Variants in RANBP2 observed in about 807,000 individuals in gnomAD.
RANBP2 encodes RAN binding protein 2.
In RANBP2, 57 loss-of-function variants were observed where a neutral mutation model predicts 303.6. The observed-to-expected ratio is 0.19, with a 90% CI of 0.15 to 0.23. The LOEUF (loss-of-function observed/expected upper bound fraction) is 0.23. Among genes scored for constraint, RANBP2 ranks in the 10% least tolerant of loss-of-function variants. The pLI is 1.00. For missense variants in RANBP2, 3,138 were observed against 3,780.8 expected (o/e 0.83, Z 4.46); for synonymous variants, 1,167 against 1,301.5 (o/e 0.90, Z 2.23).
At chr2:109,620,586 C>T in the RANBP2 span, among the ~76,000 whole-genome samples, 1 of 152,138 alleles carries the variant, frequency 6.6e-6, no homozygotes, top group Non-Finnish European at 1.5e-5. Context: ...CCTGTAATCC[C>T]AGCTACTTGG....
the RANBP2 span, among the ~76,000 whole-genome samples, chr2:109,746,619 AT>A: frequency 1.0e-3 from 20 of 19,126 alleles, no homozygotes; most frequent in African/African-American, 5.3e-3. Flanking sequence ...AATATTCTTC[AT>A]TTTTTTTTTT....
chr2:108,766,247 C>A lies in RANBP2; in HGVS notation c.5708C>A (p.Ser1903Ter). The change falls in exon 20 of 29, where the codon TCG (serine) becomes TAG (stop). Residue 1903 changes from serine to a stop codon, truncating the protein, a stop_gained. Transcript: ENST00000283195. LOFTEE classifies it high-confidence loss of function. Reference sequence around the variant, plus strand: ...GCTGATGGATTTAAATTTGGCATTTCGGAACCAGGAAATCAAGAAAAGAAA... The same window carrying A: ...GCTGATGGATTTAAATTTGGCATTTAGGAACCAGGAAATCAAGAAAAGAAA... ...VSADGFKFGI[S>*]EPGNQEKKSE... is the part of the protein sequence containing the mutation. 6.2e-7 allele frequency: 1 copy of A among 1,612,062 alleles called. No individual in the cohort carries two copies. The highest frequency in any genetic ancestry group is 8.5e-7 in the Non-Finnish European group (1 of 1,179,986).
the RANBP2 span, among the ~76,000 whole-genome samples, chr2:109,039,730 A>C: frequency 6.6e-6 from 1 of 151,908 alleles, no homozygotes; most frequent in Non-Finnish European, 1.5e-5. Flanking sequence ...TTTTCTTTTA[A>C]AATTTATCTT....
At chr2:108,849,183 A>G in the RANBP2 span, among the ~76,000 whole-genome samples, 1 of 152,114 alleles carries the variant, frequency 6.6e-6, no homozygotes, top group Non-Finnish European at 1.5e-5. Flanking sequence ...TTACACAGAG[A>G]AAAAAAATCT....
intron 18 of RANBP2, among the ~76,000 whole-genome samples, chr2:108,758,963 A>C (rs1342292976): frequency 6.7e-6 from 1 of 148,740 alleles, no homozygotes; most frequent in African/African-American, 2.5e-5. Context: ...TATTATGGTT[A>C]TATAAAGAAA....
the RANBP2 span, among the ~76,000 whole-genome samples, chr2:109,605,128 A>C: frequency 6.6e-6 from 1 of 152,158 alleles, no homozygotes; most frequent in Non-Finnish European, 1.5e-5. Flanking sequence ...TGATTCCTTG[A>C]GACTTGAATT....
the RANBP2 span, among the ~76,000 whole-genome samples, chr2:109,521,205 G>A: frequency 2.0e-4 from 29 of 147,450 alleles, no homozygotes; most frequent in Admixed American, 3.5e-4. Flanking sequence ...GTGACAGAGC[G>A]AGACTCCGTC....
the RANBP2 span, among the ~76,000 whole-genome samples, chr2:109,196,075 C>T: frequency 3.7e-4 from 56 of 152,334 alleles, no homozygotes; most frequent in African/African-American, 1.2e-3. Context: ...CCAGAGGGAA[C>T]GCAGACCACC....
At chr2:108,788,117 G>T (rs747411856), downstream of RANBP2, 15 of 1,599,336 alleles carry the variant, frequency 9.4e-6, no homozygotes, top group African/African-American at 1.4e-5. Flanking sequence ...ATATTTGGGG[G>T]TTTCAAAAAT....
chr2:109,614,257 G>A, the RANBP2 span: 6 of 729,488 alleles, frequency 8.2e-6, no homozygotes, highest in Non-Finnish European at 1.1e-5. Flanking sequence ...GAGACAGCGG[G>A]GAGCGGAAGT....
At chr2:109,338,714 C>A in the RANBP2 span, among the ~76,000 whole-genome samples, 1 of 152,170 alleles carries the variant, frequency 6.6e-6, no homozygotes, top group Non-Finnish European at 1.5e-5. Context: ...TGCGCCACCA[C>A]GCCCGACTAA....
the RANBP2 span, among the ~76,000 whole-genome samples, chr2:109,021,446 C>A: frequency 6.7e-6 from 1 of 149,792 alleles, no homozygotes; most frequent in Non-Finnish European, 1.5e-5. Flanking sequence ...TGGCGTGAAC[C>A]CGGGAGGCGG....
the RANBP2 span, among the ~76,000 whole-genome samples, chr2:108,876,827 A>G: frequency 6.6e-6 from 1 of 152,198 alleles, no homozygotes; most frequent in African/African-American, 2.4e-5. Context: ...ATGTATATAC[A>G]AGGCAAGACA....
At chr2:109,780,031 CT>C in the RANBP2 span, among the ~76,000 whole-genome samples, 720 of 57,370 alleles carry the variant, frequency 0.013, 5 homozygotes, top group Admixed American at 0.021. Context: ...GTCAATTTGA[CT>C]TTTTTTTTTT....
chr2:109,328,753 A>G, the RANBP2 span, among the ~76,000 whole-genome samples: 36 of 152,060 alleles, frequency 2.4e-4, no homozygotes, highest in African/African-American at 8.2e-4. Flanking sequence ...TCTCCCCCAC[A>G]TTTGTGTGTG....
At chr2:109,222,386 G>T in the RANBP2 span, among the ~76,000 whole-genome samples, 1 of 152,220 alleles carries the variant, frequency 6.6e-6, no homozygotes, top group African/African-American at 2.4e-5. Flanking sequence ...TGAGGTGATG[G>T]ATATGCTAGT....
At chr2:109,704,332 G>C in the RANBP2 span, among the ~76,000 whole-genome samples, 3 of 151,964 alleles carry the variant, frequency 2.0e-5, no homozygotes, top group Non-Finnish European at 4.4e-5. Flanking sequence ...AGGATCACTT[G>C]AGCCAAGGAG....
the RANBP2 span, chr2:109,614,867 G>A: frequency 7.1e-7 from 1 of 1,401,388 alleles, no homozygotes; most frequent in Non-Finnish European, 9.2e-7. Flanking sequence ...CCCCGGAGTC[G>A]CTCCCTGGAC....
At chr2:108,986,344 C>A in the RANBP2 span, among the ~76,000 whole-genome samples, 20 of 152,254 alleles carry the variant, frequency 1.3e-4, no homozygotes, top group Admixed American at 1.3e-3. Context: ...ATGAGTGTGT[C>A]TGGGGCTGAC....
Sources: allele counts gnomAD v4.1 joint callset (sites outside exome capture counted in the v4.1 genomes callset), GRCh38; gene constraint gnomAD v4.1.1; transcripts MANE v1.5; gene names NCBI Gene and HGNC (gene_info 2026-07-23, HGNC 2026-07-21).